The following ANK2 variants were observed in gnomAD, a reference collection of about 807,000 sequenced individuals.
The protein encoded by ANK2 is ankyrin-2.
A neutral mutation model predicts 360.5 loss-of-function variants in ANK2; 83 were observed. The observed-to-expected ratio is 0.23, with a 90% CI of 0.19 to 0.28. The LOEUF is 0.28. Ranked by LOEUF, ANK2 falls within the 10% of genes least tolerant of loss-of-function variation. The pLI is 1.00. For synonymous variants in ANK2, 1,740 were observed against 1,759.5 expected (o/e 0.99, Z 0.28); for missense variants, 4,201 against 4,795.7 (o/e 0.88, Z 3.66).
At chr4:112,954,806 T>A (rs1264530054) in intron 2 of ANK2, among the ~76,000 whole-genome samples, 2 of 152,076 alleles carry the variant, frequency 1.3e-5, no homozygotes, top group Non-Finnish European at 2.9e-5. Context: ...ATAAATGGAG[T>A]TTGCTTGCTG....
At chr4:112,859,095 G>A (rs771731507) in intron 1 of ANK2, among the ~76,000 whole-genome samples, 9 of 152,122 alleles carry the variant, frequency 5.9e-5, no homozygotes, top group African/African-American at 1.2e-4. Flanking sequence ...AACCTCGCTC[G>A]GAGGCAGACA....
intron 4 of ANK2, among the ~76,000 whole-genome samples, chr4:113,207,332 A>T (rs1047523063): frequency 6.6e-6 from 1 of 152,218 alleles, no homozygotes; most frequent in Non-Finnish European, 1.5e-5. Context: ...AATCTTCGGT[A>T]GATGTCTCAT....
At chr4:113,128,236 G>A (rs945214616) in intron 1 of ANK2, among the ~76,000 whole-genome samples, 1 of 152,174 alleles carries the variant, frequency 6.6e-6, no homozygotes, top group East Asian at 1.9e-4. Flanking sequence ...AATTCTGGAT[G>A]TCTGATCCCT....
At chr4:113,225,057 C>T (rs573078782) in intron 4 of ANK2, among the ~76,000 whole-genome samples, 3 of 152,176 alleles carry the variant, frequency 2.0e-5, no homozygotes, top group South Asian at 4.1e-4. Context: ...GACACTCATA[C>T]TTCCCCTACA....
Position 113,359,161 on chromosome 4 carries a change from G to A in ANK2, c.10543G>A (p.Val3515Ile). 1.9e-6 allele frequency: 3 copies of A among 1,613,494 alleles called. No individual in the cohort carries two copies. Among genetic ancestry groups the A allele is most frequent in the Non-Finnish European group, 2.5e-6 (3 of 1,179,488 alleles). ...AAGTAGTAGTGCCCTGGAAGTATCA[G>A]TAATTGAAAATCTGCCACCTGTTGA... Reference protein sequence around the residue: ...DESSSALEVSVIENLPPVETE... With the variant: ...DESSSALEVSIIENLPPVETE... Residue 3515 changes from valine to isoleucine, a missense_variant, in exon 38 of 46, where the codon GTA becomes ATA. Transcript: ENST00000357077.
At chr4:113,095,593 A>G (rs962747291) in intron 1 of ANK2, among the ~76,000 whole-genome samples, 1 of 152,216 alleles carries the variant, frequency 6.6e-6, no homozygotes, top group Non-Finnish European at 1.5e-5. Context: ...TCCCCAGTAG[A>G]GGAAATGTAG....
chr4:112,970,929 A>G (rs191364914), intron 2 of ANK2, among the ~76,000 whole-genome samples: 34 of 152,328 alleles, frequency 2.2e-4, no homozygotes, highest in Middle Eastern at 3.4e-3. Flanking sequence ...AATGCATAAT[A>G]TTTCAAAACA....
chr4:112,909,792 G>C (rs571607700), intron 2 of ANK2, among the ~76,000 whole-genome samples: 1 of 152,186 alleles, frequency 6.6e-6, no homozygotes, highest in South Asian at 2.1e-4. Context: ...CGAAGGTATT[G>C]GTATCTGATA....
At chr4:112,764,709 T>C in the ANK2 span, among the ~76,000 whole-genome samples, 192 of 136,702 alleles carry the variant, frequency 1.4e-3, no homozygotes, top group African/African-American at 5.6e-3. Context: ...AAAGTTATCT[T>C]TTTTTTTTTT....
At chr4:112,888,600 T>A (rs554954225) in intron 1 of ANK2, among the ~76,000 whole-genome samples, 2 of 151,794 alleles carry the variant, frequency 1.3e-5, no homozygotes, top group South Asian at 4.2e-4. Context: ...ATAGAGAGAG[T>A]CATGTCCGTT....
chr4:113,009,999 A>C (rs902719928), intron 2 of ANK2, among the ~76,000 whole-genome samples: 2 of 151,934 alleles, frequency 1.3e-5, no homozygotes, highest in African/African-American at 2.4e-5. Flanking sequence ...TTTGGGAATT[A>C]GGCAGAAGTT....
In ANK2 at chr4:113,316,618, G is replaced by A. The variant is rs150273370; in HGVS notation, c.2694-1089G>A. Among the ~76,000 whole-genome samples, 364 of 152,270 alleles carry A rather than the reference G, an allele frequency of 2.4e-3. 1 individual carries two copies. Among genetic ancestry groups the A allele is most frequent in the African/African-American group, 8.3e-3 (343 of 41,564 alleles). The stretch of plus-strand genomic sequence containing the variant: ...TTCTATAAATATTGTGAAAGCTTGC[G>A]TATCTCCTTTTTTTCCCTTATGGGC... On this transcript the variant is annotated intron_variant, in intron 24 of 45. Coordinates refer to ENST00000357077, the MANE Select transcript of ANK2 (RefSeq NM_001148.6).
intron 1 of ANK2, among the ~76,000 whole-genome samples, chr4:113,079,514 G>A (rs1224144171): frequency 6.6e-6 from 1 of 152,214 alleles, no homozygotes; most frequent in African/African-American, 2.4e-5. Context: ...TAGATTTTAA[G>A]TTATCTGTGG....
At chr4:112,870,765 G>C (rs2072684899) in intron 1 of ANK2, among the ~76,000 whole-genome samples, 1 of 152,096 alleles carries the variant, frequency 6.6e-6, no homozygotes, top group African/African-American at 2.4e-5. Flanking sequence ...GATTATTTTA[G>C]CTATTCTAGG....
chr4:113,327,000 T>C (rs1166590197), intron 26 of ANK2, among the ~76,000 whole-genome samples: 2 of 152,050 alleles, frequency 1.3e-5, no homozygotes, highest in Non-Finnish European at 2.9e-5. Context: ...TAAGACCCTC[T>C]CTCAAGGAAA....
At chr4:113,369,904 A>G in intron 43 of ANK2, 99 bp downstream of exon 43, 1 of 1,495,434 alleles carries the variant, frequency 6.7e-7, no homozygotes, top group Admixed American at 1.8e-5. Context: ...CTTCAAAACA[A>G]AAAAGTTAAC....
At chr4:113,026,362 C>T (rs539264931) in intron 2 of ANK2, among the ~76,000 whole-genome samples, 20 of 152,260 alleles carry the variant, frequency 1.3e-4, no homozygotes, top group South Asian at 2.1e-4. Flanking sequence ...AAGCCATATC[C>T]GGCCCACAGA....
At chr4:113,079,946 T>G (rs2882846) in intron 1 of ANK2, among the ~76,000 whole-genome samples, 1 of 148,926 alleles carries the variant, frequency 6.7e-6, no homozygotes, top group Admixed American at 6.7e-5. Context: ...TTGCCCAGGC[T>G]GGAGTGTGGT....
At chr4:112,779,744 A>G in the ANK2 span, among the ~76,000 whole-genome samples, 1 of 152,200 alleles carries the variant, frequency 6.6e-6, no homozygotes, top group Admixed American at 6.5e-5. Flanking sequence ...AGGATTGTTC[A>G]GTTGTCTTCT....
Sources: gnomAD v4.1 joint callset for allele counts (sites outside exome capture counted in the v4.1 genomes callset) on GRCh38, gnomAD v4.1.1 for gene constraint, MANE v1.5 for transcripts, NCBI Gene and HGNC (gene_info 2026-07-23, HGNC 2026-07-21) for gene names.